The following SEL1L3 variants were observed in gnomAD, a reference collection of about 807,000 sequenced individuals.
The protein encoded by SEL1L3 is protein sel-1 homolog 3.
SEL1L3 carries 76 observed loss-of-function variants against 142.8 expected under a neutral mutation model. That is an observed-to-expected ratio of 0.53 (90% CI 0.44 to 0.64). The LOEUF (loss-of-function observed/expected upper bound fraction) is 0.64, where lower values mean the gene tolerates loss of function less well. SEL1L3 is among the 30% of genes least tolerant of loss of function. SEL1L3 has a pLI of 0.00. For synonymous variants in SEL1L3, 504 were observed against 519.6 expected, an observed-to-expected ratio of 0.97 and a Z score of 0.41; for missense variants, 1,262 against 1,381.7, an observed-to-expected ratio of 0.91 and a Z score of 1.37.
rs894343469 is a variant in SEL1L3 at position 25,819,610 on chromosome 4, A to G, written c.1423+198T>C. 4.6e-5 allele frequency among the ~76,000 whole-genome samples: 7 copies of G among 152,284 alleles called. No homozygotes were observed. In the South Asian group the frequency reaches 6.2e-4, roughly 14 times the overall value. On this transcript the variant is annotated intron_variant, in intron 8 of 23. Coordinates refer to ENST00000399878, the MANE Select transcript of SEL1L3 (RefSeq NM_015187.5). ...GATGTTTTGGTTCTTCTTGGCTGTC[A>G]TTGGTCTTGGTAGAATCCAGGTGGA...
intron 12 of SEL1L3, 115 bp downstream of exon 12, chr4:25,790,340 G>T: frequency 2.0e-6 from 2 of 1,000,260 alleles, no homozygotes; most frequent in Non-Finnish European, 3.1e-6. Context: ...CAGTGTGAGT[G>T]AGAAATAAAC....
chr4:25,774,409 C>T (rs1457405258), intron 17 of SEL1L3, among the ~76,000 whole-genome samples: 1 of 152,154 alleles, frequency 6.6e-6, no homozygotes, highest in Non-Finnish European at 1.5e-5. Context: ...TTTCTCCTTC[C>T]CCCAACCAAC....
chr4:25,771,617 T>C (rs1370449519), intron 17 of SEL1L3, among the ~76,000 whole-genome samples: 1 of 152,174 alleles, frequency 6.6e-6, no homozygotes, highest in African/African-American at 2.4e-5. Flanking sequence ...CCAGCTCTAT[T>C]GCAAAAAGGT....
At chr4:25,725,377 A>T in the SEL1L3 span, among the ~76,000 whole-genome samples, 1 of 148,088 alleles carries the variant, frequency 6.8e-6, no homozygotes, top group Non-Finnish European at 1.5e-5. Flanking sequence ...GTACAGTGGC[A>T]CAATCTCGGC....
At chr4:25,765,473 T>TA in intron 19 of SEL1L3, 38 bp from the exon 20 acceptor site, 1 of 1,333,492 alleles carries the variant, frequency 7.5e-7, no homozygotes, top group Non-Finnish European at 1.1e-6. Context: ...TGTCAAGTGG[T>TA]TTTTTTTATA....
intron 17 of SEL1L3, among the ~76,000 whole-genome samples, chr4:25,775,051 G>A (rs528929691): frequency 6.6e-6 from 1 of 152,312 alleles, no homozygotes; most frequent in Non-Finnish European, 1.5e-5. Flanking sequence ...AGGGAGCAGA[G>A]GGTGGGAGGT....
At chr4:25,774,980 G>A (rs1285501727) in intron 17 of SEL1L3, among the ~76,000 whole-genome samples, 4 of 152,128 alleles carry the variant, frequency 2.6e-5, no homozygotes, top group Admixed American at 6.6e-5. Flanking sequence ...TCTTCCTTTG[G>A]GAAAACCCCA....
intron 19 of SEL1L3, among the ~76,000 whole-genome samples, chr4:25,766,855 C>T (rs1043858564): frequency 3.3e-5 from 5 of 152,306 alleles, no homozygotes; most frequent in South Asian, 4.1e-4. Flanking sequence ...AATCAGAAGC[C>T]GGTGGGTAGA....
intron 8 of SEL1L3, among the ~76,000 whole-genome samples, chr4:25,818,880 C>T (rs535007034): frequency 6.6e-6 from 1 of 152,334 alleles, no homozygotes; most frequent in South Asian, 2.1e-4. Flanking sequence ...TATCTTTCCA[C>T]ACTCACCTGT....
chr4:25,739,825 C>T, the SEL1L3 span, among the ~76,000 whole-genome samples: 2 of 150,810 alleles, frequency 1.3e-5, no homozygotes, highest in Non-Finnish European at 2.9e-5. Flanking sequence ...TACATATAAG[C>T]GTACATTCAC....
intron 20 of SEL1L3, among the ~76,000 whole-genome samples, chr4:25,761,846 C>A (rs573592955): frequency 9.5e-4 from 145 of 152,302 alleles, no homozygotes; most frequent in Middle Eastern, 6.8e-3. Context: ...TTCAGTCATC[C>A]TTCTCTACTT....
At chr4:25,847,170 T>C (rs1577691775) in intron 2 of SEL1L3, 124 bp downstream of exon 2, 5 of 743,614 alleles carry the variant, frequency 6.7e-6, no homozygotes, top group Non-Finnish European at 1.1e-5. Context: ...TACAGACTCA[T>C]TGTGTCCCTC....
the SEL1L3 span, among the ~76,000 whole-genome samples, chr4:25,739,917 CT>C: frequency 7.4e-5 from 11 of 149,550 alleles, no homozygotes; most frequent in African/African-American, 2.0e-4. Context: ...GATTCAGTTT[CT>C]TTTTTTTTCA....
intron 17 of SEL1L3, among the ~76,000 whole-genome samples, chr4:25,770,942 T>C (rs538574862): frequency 6.6e-6 from 1 of 152,292 alleles, no homozygotes; most frequent in Non-Finnish European, 1.5e-5. Context: ...TCTGAGACAA[T>C]GCCTCTGCAG....
At chr4:25,795,066 G>C (rs184072024) in intron 11 of SEL1L3, among the ~76,000 whole-genome samples, 1 of 134,808 alleles carries the variant, frequency 7.4e-6, no homozygotes, top group Admixed American at 7.6e-5. Flanking sequence ...GGGGTGGGGG[G>C]GAGGGAGAAG....
downstream of SEL1L3, among the ~76,000 whole-genome samples, chr4:25,744,348 C>CTTGTTTTTTTTTTT (rs1717198010): frequency 3.0e-5 from 3 of 101,426 alleles, 1 homozygote; most frequent in Admixed American, 4.0e-4. Context: ...ATGTGTGAGT[C>CTTGTTTTTTTTTTT]TTTTTTTTTT....
intron 17 of SEL1L3, among the ~76,000 whole-genome samples, chr4:25,771,953 G>A (rs1719248506): frequency 1.3e-5 from 2 of 152,036 alleles, no homozygotes; most frequent in African/African-American, 4.8e-5. Flanking sequence ...TATAAATCTT[G>A]GAACAACATA....
At position 25,767,517 on chromosome 4, in the gene SEL1L3, A is replaced by G; in HGVS notation, c.2845+8T>C. On this transcript the variant is annotated splice_region_variant and intron_variant, in intron 19 of 23. Transcript: ENST00000399878. ...TGCTTCAATTTTGCACCGTTTTTCTATACATACCAAAGGAAGGAGCATCGA... is the reference window on the plus strand; with the variant it reads ...TGCTTCAATTTTGCACCGTTTTTCTGTACATACCAAAGGAAGGAGCATCGA... 2 of 1,506,526 alleles carry G rather than the reference A, an allele frequency of 1.3e-6. No individual in the cohort carries two copies. Among genetic ancestry groups the G allele is most frequent in the Non-Finnish European group, 9.2e-7 (1 of 1,089,252 alleles). 93.3% of individuals were successfully genotyped at this position (1,506,526 alleles called of 1,614,324 possible). A position where few individuals can be genotyped will look rare whatever the true frequency, so the allele number is the denominator to read the frequency against.
chr4:25,823,531 A>C (rs1043565483), intron 6 of SEL1L3, among the ~76,000 whole-genome samples: 4 of 152,166 alleles, frequency 2.6e-5, no homozygotes, highest in African/African-American at 9.7e-5. Flanking sequence ...ATAATAACAA[A>C]AATAAATAAA....
Sources: allele counts gnomAD v4.1 joint callset (sites outside exome capture counted in the v4.1 genomes callset), GRCh38; gene constraint gnomAD v4.1.1; transcripts MANE v1.5; gene names NCBI Gene and HGNC (gene_info 2026-07-23, HGNC 2026-07-21).